CTNS: variants seen among roughly 807,000 people sequenced by gnomAD.
The protein encoded by CTNS is cystinosin.
A neutral mutation model predicts 43.7 loss-of-function variants in CTNS; 27 were observed. That is an observed-to-expected ratio of 0.62 (90% CI 0.46 to 0.85). The LOEUF (loss-of-function observed/expected upper bound fraction) is 0.85. CTNS is among the 40% of genes least tolerant of loss of function. The pLI is 0.00. For missense variants in CTNS, 457 were observed against 475.4 expected, an observed-to-expected ratio of 0.96 and a Z score of 0.36; for synonymous variants, 187 against 190.6, an observed-to-expected ratio of 0.98 and a Z score of 0.16.
intron 3 of CTNS, among the ~76,000 whole-genome samples, chr17:3,646,911 GA>G (rs1342257798): frequency 6.6e-6 from 1 of 152,188 alleles, no homozygotes; most frequent in Non-Finnish European, 1.5e-5. Context: ...CCAGGAAGGG[GA>G]CCAGTGCCAG....
At chr17:3,643,191 A>G (rs1043720301) in intron 3 of CTNS, among the ~76,000 whole-genome samples, 20 of 151,844 alleles carry the variant, frequency 1.3e-4, no homozygotes, top group African/African-American at 4.3e-4. Flanking sequence ...GCGGGCGCCT[A>G]TAGTCCCAGC....
chr17:3,648,210 C>T (rs1026611044), intron 4 of CTNS, among the ~76,000 whole-genome samples: 1 of 152,164 alleles, frequency 6.6e-6, no homozygotes, highest in Admixed American at 6.5e-5. Flanking sequence ...GCTTTGGTTC[C>T]GAGGCCCCTA....
At chr17:3,641,380 ATATATT>A (rs1219345774) in intron 3 of CTNS, among the ~76,000 whole-genome samples, 112 of 38,156 alleles carry the variant, frequency 2.9e-3, no homozygotes, top group Non-Finnish European at 3.9e-3. Flanking sequence ...ATATATATAT[ATATATT>A]TTTTTTTTTT....
chr17:3,649,255 C>T (rs1450412135), intron 5 of CTNS, among the ~76,000 whole-genome samples: 2 of 152,092 alleles, frequency 1.3e-5, no homozygotes, highest in Admixed American at 6.6e-5. Context: ...TCGAGACCAG[C>T]CTGATCAACA....
At chr17:3,649,016 C>T in intron 5 of CTNS, 85 bp downstream of exon 5, 1 of 1,154,676 alleles carries the variant, frequency 8.7e-7, no homozygotes, top group Non-Finnish European at 1.3e-6. Flanking sequence ...AACAGGTCTC[C>T]TAGGCGGCCC....
intron 10 of CTNS, among the ~76,000 whole-genome samples, chr17:3,659,413 G>A (rs1051889524): frequency 2.0e-5 from 3 of 152,224 alleles, no homozygotes; most frequent in East Asian, 1.9e-4. Context: ...AGCAGGCTCC[G>A]GTGATGGAGC....
rs545804510 is a variant in CTNS, at chr17:3,640,861, A to C, written c.61+594A>C. Among the ~76,000 whole-genome samples the C allele has an allele frequency of 2.6e-5, 4 of 152,316 alleles. No individual in the cohort carries two copies. In the South Asian group the frequency reaches 8.3e-4, roughly 32 times the overall value. On this transcript the variant is annotated intron_variant, in intron 3 of 11. Transcript: ENST00000046640. ...CAAGGCTACAGTGAGTTATGATCACACTACTGCACTCCGGCCTGGGCAACA... is the reference window on the plus strand; with the variant it reads ...CAAGGCTACAGTGAGTTATGATCACCCTACTGCACTCCGGCCTGGGCAACA...
chr17:3,649,764 C>CT (rs35192361), intron 5 of CTNS, among the ~76,000 whole-genome samples: 56,817 of 152,052 alleles, frequency 0.37, 12,462 homozygotes, highest in East Asian at 0.75. Context: ...CTGCTCCCAC[C>CT]TTACTGAGCA....
intron 9 of CTNS, chr17:3,657,034 G>A: frequency 3.5e-6 from 2 of 575,132 alleles, no homozygotes; most frequent in Middle Eastern, 4.9e-4. Context: ...GCACAGAGGA[G>A]CACAGACAGC....
chr17:3,650,208 A>G (rs2075947578), intron 5 of CTNS: 1 of 1,550,458 alleles, frequency 6.4e-7, no homozygotes, highest in South Asian at 1.2e-5. Flanking sequence ...TGCAGGGATG[A>G]GATCAGTAGC....
intron 3 of CTNS, among the ~76,000 whole-genome samples, chr17:3,646,585 C>T (rs1241529336): frequency 6.6e-6 from 1 of 152,058 alleles, no homozygotes; most frequent in Non-Finnish European, 1.5e-5. Context: ...CCACGCCTGC[C>T]CAGTTTTCTT....
At chr17:3,645,644 G>C (rs1319824890) in intron 3 of CTNS, among the ~76,000 whole-genome samples, 2 of 152,054 alleles carry the variant, frequency 1.3e-5, no homozygotes. Flanking sequence ...CAGATCACCT[G>C]ATGTCAGGAG....
At chr17:3,658,891 G>A (rs923165037) in intron 10 of CTNS, among the ~76,000 whole-genome samples, 2 of 152,170 alleles carry the variant, frequency 1.3e-5, no homozygotes, top group African/African-American at 4.8e-5. Flanking sequence ...GGGACACGGG[G>A]CGGCAGTGAG....
chr17:3,660,602 T>C lies in CTNS; in HGVS notation c.*233T>C, dbSNP rs778366372. 1 of 1,613,368 alleles carries C rather than the reference T, an allele frequency of 6.2e-7. No homozygotes were observed. Among genetic ancestry groups the C allele is most frequent in the South Asian group, 1.1e-5 (1 of 91,086 alleles). ...TGGCACCGTCGCCTTGACACCGCCA[T>C]CTCTTTTCTTTAAGGCTTCAGGCAG... On this transcript the variant is annotated 3_prime_UTR_variant, in exon 12 of 12. Transcript: ENST00000046640.
chr17:3,658,735 C>T (rs943254546), intron 10 of CTNS, among the ~76,000 whole-genome samples: 1 of 152,212 alleles, frequency 6.6e-6, no homozygotes, highest in Non-Finnish European at 1.5e-5. Context: ...TGCCCCCAGC[C>T]CTGGGAGCCT....
At chr17:3,643,345 T>G (rs1735497) in intron 3 of CTNS, among the ~76,000 whole-genome samples, 1 of 151,710 alleles carries the variant, frequency 6.6e-6, no homozygotes, top group Non-Finnish European at 1.5e-5. Flanking sequence ...CCTCTCACTT[T>G]TGTAATAATT....
At chr17:3,647,643 G>A in intron 4 of CTNS, 121 bp downstream of exon 4, 1 of 899,772 alleles carries the variant, frequency 1.1e-6, no homozygotes, top group Non-Finnish European at 1.8e-6. Context: ...TTACCTGTAA[G>A]ACAAGCCCTA....
rs1015361621 is a variant in CTNS, at chr17:3,661,254, C to T, written c.*885C>T. The T allele has an allele frequency of 2.1e-5, 4 of 193,428 alleles. No individual in the cohort carries two copies. The highest frequency in any genetic ancestry group is 9.4e-5 in the African/African-American group (4 of 42,720). 12.0% of individuals were successfully genotyped at this position (193,428 alleles called of 1,614,324 possible). A position where few individuals can be genotyped will look rare whatever the true frequency, so the allele number is the denominator to read the frequency against. On this transcript the variant is annotated 3_prime_UTR_variant, in exon 12 of 12. Transcript: ENST00000046640. The stretch of plus-strand genomic sequence containing the variant: ...CCCTGGAGCGAGGGCAGGCCCCTTC[C>T]CTCTCTTTCCCCAGACACCTACTTG...
At chr17:3,636,748 G>A (rs17707869), upstream of CTNS, 21,159 of 153,334 alleles carry the variant, frequency 0.14, 1,866 homozygotes, top group East Asian at 0.25. Context: ...TAGCCGGGCA[G>A]GGGAACGCGG....
Sources: gnomAD v4.1 joint callset for allele counts (sites outside exome capture counted in the v4.1 genomes callset) on GRCh38, gnomAD v4.1.1 for gene constraint, MANE v1.5 for transcripts, NCBI Gene and HGNC (gene_info 2026-07-23, HGNC 2026-07-21) for gene names.